Variants in PDE10A observed in about 807,000 individuals in gnomAD.
PDE10A encodes cAMP and cAMP-inhibited cGMP 3',5'-cyclic phosphodiesterase 10A.
Under a neutral mutation model 97.7 loss-of-function variants are expected in PDE10A, and 39 were observed. The observed-to-expected ratio is 0.40, with a 90% CI of 0.31 to 0.52. PDE10A has a LOEUF of 0.52. PDE10A is among the 20% of genes least tolerant of loss of function. The probability of loss-of-function intolerance (pLI) is 0.56; values close to 1 mark genes in which losing one functional copy is unlikely to be tolerated. For missense variants in PDE10A, 731 were observed against 1,047.8 expected (o/e 0.70, Z 4.17); for synonymous variants, 371 against 376.8 (o/e 0.98, Z 0.18).
intron 2 of PDE10A, among the ~76,000 whole-genome samples, chr6:165,540,715 C>T (rs1783383284): frequency 6.6e-6 from 1 of 152,178 alleles, no homozygotes; most frequent in African/African-American, 2.4e-5. Flanking sequence ...CTACAACCCA[C>T]ACCTCCCAGG....
At chr6:165,862,514 G>A (rs1457641451) in intron 1 of PDE10A, among the ~76,000 whole-genome samples, 4 of 152,162 alleles carry the variant, frequency 2.6e-5, no homozygotes, top group Non-Finnish European at 4.4e-5. Flanking sequence ...ACGTTTAACA[G>A]TCTAAAGGGT....
intron 9 of PDE10A, 104 bp from the exon 10 acceptor site, chr6:165,428,813 C>A (rs1170785089): frequency 3.5e-5 from 18 of 518,268 alleles, no homozygotes; most frequent in South Asian, 1.5e-4. Flanking sequence ...AATAAAAAAC[C>A]ATAAAGATAA....
intron 1 of PDE10A, among the ~76,000 whole-genome samples, chr6:165,883,583 A>T (rs1365462609): frequency 1.3e-5 from 2 of 151,734 alleles, no homozygotes; most frequent in Non-Finnish European, 2.9e-5. Flanking sequence ...ACTCTCCCCC[A>T]CCAAAGAAGG....
At chr6:165,669,235 T>C (rs1790580691) in intron 1 of PDE10A, among the ~76,000 whole-genome samples, 1 of 152,194 alleles carries the variant, frequency 6.6e-6, no homozygotes, top group African/African-American at 2.4e-5. Flanking sequence ...TTGTTCTCTA[T>C]AGGACTGATT....
At chr6:165,699,025 A>T (rs1208396508) in intron 1 of PDE10A, among the ~76,000 whole-genome samples, 1 of 152,238 alleles carries the variant, frequency 6.6e-6, no homozygotes, top group African/African-American at 2.4e-5. Context: ...AAATGGGTTA[A>T]CAATTCATCA....
intron 1 of PDE10A, among the ~76,000 whole-genome samples, chr6:165,972,659 G>C (rs540139525): frequency 2.7e-4 from 41 of 152,210 alleles, no homozygotes; most frequent in African/African-American, 9.9e-4. Flanking sequence ...ATGCAGGTGC[G>C]TGCCCCTTCA....
chr6:165,465,946 AG>A (rs1456873735), intron 3 of PDE10A, among the ~76,000 whole-genome samples: 2 of 145,756 alleles, frequency 1.4e-5, no homozygotes, highest in East Asian at 2.0e-4. Flanking sequence ...AAACTGCAGG[AG>A]GAAGTACTAA....
rs187198172 is a variant in PDE10A, at chr6:165,498,270, C to T, written c.995-15927G>A. Among the ~76,000 whole-genome samples, 25 of 150,738 alleles carry T rather than the reference C, an allele frequency of 1.7e-4. No homozygotes were observed. The East Asian group carries it at 2.6e-3, about 15-fold the overall frequency. ...TACAAAAAATTAAAAAATAGCCAGG[C>T]GCAGTGGCATGCACCTATAGTCCTG... On this transcript the variant is annotated intron_variant, in intron 2 of 21. Coordinates refer to ENST00000539869, the MANE Select transcript of PDE10A (RefSeq NM_001385079.1).
chr6:165,943,862 C>T (rs1783668349), intron 1 of PDE10A, among the ~76,000 whole-genome samples: 1 of 152,218 alleles, frequency 6.6e-6, no homozygotes, highest in South Asian at 2.1e-4. Context: ...TCACATACTC[C>T]TACCAGCAGT....
intron 1 of PDE10A, among the ~76,000 whole-genome samples, chr6:165,593,138 T>G (rs564273941): frequency 1.3e-5 from 2 of 152,346 alleles, no homozygotes; most frequent in East Asian, 3.9e-4. Context: ...GGTGAGTTCA[T>G]GTCCTTGGCA....
At position 165,783,273 on chromosome 6, in the gene PDE10A, C is replaced by T. The variant is rs73786710; in HGVS notation, c.-615+204256G>A. 7.7e-3 allele frequency among the ~76,000 whole-genome samples: 1,177 copies of T among 152,268 alleles called. 15 individuals are homozygous for T. Among genetic ancestry groups the T allele is most frequent in the African/African-American group, 0.027 (1,110 of 41,544 alleles). ...GCTAGCTGTTACAGAATACGAATGA[C>T]GATTACAGTCATCATTTTAGTCATA... On this transcript the variant is annotated intron_variant, in intron 1 of 19. Transcript: ENST00000366882.
At chr6:165,490,298 C>T (rs1216556391) in intron 2 of PDE10A, among the ~76,000 whole-genome samples, 1 of 152,158 alleles carries the variant, frequency 6.6e-6, no homozygotes, top group Non-Finnish European at 1.5e-5. Flanking sequence ...CTTTATCCTC[C>T]TTAAACAAAA....
intron 1 of PDE10A, among the ~76,000 whole-genome samples, chr6:165,695,867 C>T (rs12055769): frequency 0.15 from 22,570 of 152,082 alleles, 1,854 homozygotes; most frequent in East Asian, 0.35. Flanking sequence ...AGAAACTGTT[C>T]CTTCCAAGGA....
chr6:165,926,218 A>T (rs572901500), intron 1 of PDE10A, among the ~76,000 whole-genome samples: 1 of 152,292 alleles, frequency 6.6e-6, no homozygotes, highest in South Asian at 2.1e-4. Flanking sequence ...TCTGCAGGTG[A>T]GGCCCCAAGC....
intron 1 of PDE10A, among the ~76,000 whole-genome samples, chr6:165,806,385 C>T (rs4709091): frequency 0.19 from 28,535 of 152,168 alleles, 3,354 homozygotes; most frequent in East Asian, 0.45. Context: ...GTGACTCACC[C>T]TAGTTTTGCC....
intron 1 of PDE10A, among the ~76,000 whole-genome samples, chr6:165,902,955 T>C (rs914585117): frequency 6.6e-6 from 1 of 152,212 alleles, no homozygotes; most frequent in African/African-American, 2.4e-5. Context: ...GTTTGAGCCT[T>C]TTATATGTGG....
chr6:165,644,798 C>T (rs188836692), intron 1 of PDE10A, among the ~76,000 whole-genome samples: 1 of 152,354 alleles, frequency 6.6e-6, no homozygotes, highest in East Asian at 1.9e-4. Flanking sequence ...GCCCTGCTGT[C>T]TCCCTGGCAC....
At chr6:165,427,248 C>T (rs1476250739) in intron 10 of PDE10A, among the ~76,000 whole-genome samples, 3 of 152,040 alleles carry the variant, frequency 2.0e-5, no homozygotes, top group Non-Finnish European at 4.4e-5. Context: ...TTTTTAAAAT[C>T]TGGTACGTAT....
intron 18 of PDE10A, among the ~76,000 whole-genome samples, chr6:165,359,084 T>C (rs1188148020): frequency 2.0e-5 from 3 of 152,080 alleles, no homozygotes; most frequent in Non-Finnish European, 2.9e-5. Flanking sequence ...AATCACTACA[T>C]ATGATACAAA....
Sources: gnomAD v4.1 joint callset for allele counts (sites outside exome capture counted in the v4.1 genomes callset) on GRCh38, gnomAD v4.1.1 for gene constraint, MANE v1.5 for transcripts, NCBI Gene and HGNC (gene_info 2026-07-23, HGNC 2026-07-21) for gene names.